CTSB: variants seen among roughly 807,000 people sequenced by gnomAD.
CTSB encodes cathepsin B, also known as APP secretase.
Under a neutral mutation model 44.3 loss-of-function variants are expected in CTSB, and 57 were observed. That is an observed-to-expected ratio of 1.29 (90% confidence interval 1.04 to 1.60). The LOEUF (loss-of-function observed/expected upper bound fraction) is 1.60. Ranked by LOEUF, CTSB falls within the 40% of genes most tolerant of loss-of-function variation. The probability of loss-of-function intolerance (pLI) is 0.00; values close to 1 mark genes in which losing one functional copy is unlikely to be tolerated. For synonymous variants in CTSB, 320 were observed against 168.0 expected, an observed-to-expected ratio of 1.91 and a Z score of -7.00; for missense variants, 768 against 443.0, an observed-to-expected ratio of 1.73 and a Z score of -6.59.
intron 1 of CTSB, among the ~76,000 whole-genome samples, chr8:11,859,361 G>A (rs1035149319): frequency 6.6e-6 from 1 of 152,170 alleles, no homozygotes; most frequent in African/African-American, 2.4e-5. Context: ...ATCCTGGAAG[G>A]AGGTGGAATG....
chr8:11,847,055 A>G lies in CTSB; in HGVS notation c.790T>C (p.Ser264Pro). ...GCCATCAGCCATCAGCACGCACCTG[A>G]CTTGTAGAGCAGGAAGTCCGAATAC... ...SVYSDFLLYK[S>P]GVYQHVTGEM... is the part of the protein sequence containing the mutation. Residue 264 changes from serine to proline, a missense_variant, in exon 8 of 10, where the codon TCA becomes CCA. By Grantham distance (74) the Ser-to-Pro change is moderately conservative (BLOSUM62 -1). Transcript: ENST00000353047. 2 of 1,509,244 alleles carry G rather than the reference A, an allele frequency of 1.3e-6. No homozygotes were observed. Among genetic ancestry groups the G allele is most frequent in the Non-Finnish European group, 1.8e-6 (2 of 1,090,468 alleles). The allele number at this position is 1,509,244 out of a possible 1,614,324, so 93.5% of individuals were successfully genotyped here. A position where few individuals can be genotyped will look rare whatever the true frequency, so the allele number is the denominator to read the frequency against.
At chr8:11,850,206 G>A (rs1381765369) in intron 4 of CTSB, among the ~76,000 whole-genome samples, 1 of 152,048 alleles carries the variant, frequency 6.6e-6, no homozygotes, top group African/African-American at 2.4e-5. Context: ...AGATCAACAG[G>A]TGAGGCGTTT....
At chr8:11,863,765 A>C (rs1001507154) in intron 1 of CTSB, among the ~76,000 whole-genome samples, 2 of 152,218 alleles carry the variant, frequency 1.3e-5, no homozygotes, top group African/African-American at 4.8e-5. Context: ...GGCAAAAATC[A>C]AAGTCTGGTA....
chr8:11,854,489 GCT>G (rs1815185514), intron 1 of CTSB, among the ~76,000 whole-genome samples: 1 of 149,492 alleles, frequency 6.7e-6, no homozygotes, highest in Non-Finnish European at 1.5e-5. Context: ...CTGGAAAAAA[GCT>G]TTTTTTTTTT....
Position 11,846,546 on chromosome 8 carries a change from G to C in CTSB, c.793+506C>G, listed in dbSNP as rs940861788. On this transcript the variant is annotated intron_variant, in intron 8 of 9. Transcript: ENST00000353047. ...GGACTGTCCAGATTCCTTGGTTGGA[G>C]TCCCTATGGCACTACCCAGGGCAAG... 9.8e-5 allele frequency among the ~76,000 whole-genome samples: 15 copies of C among 152,320 alleles called. 1 individual carries two copies. The highest frequency in any genetic ancestry group is 2.6e-4 in the African/African-American group (11 of 41,578).
At chr8:11,850,484 T>C (rs1453332381) in intron 4 of CTSB, 1 of 156,782 alleles carries the variant, frequency 6.4e-6, no homozygotes, top group Non-Finnish European at 1.4e-5. Context: ...GATTATTACA[T>C]TTCTGTTACG....
At chr8:11,853,531 C>T (rs887247219) in intron 1 of CTSB, 52 bp from the exon 2 acceptor site, 26 of 1,534,928 alleles carry the variant, frequency 1.7e-5, no homozygotes, top group Non-Finnish European at 2.3e-5. Context: ...GGGTCGAGGG[C>T]TCACACACAC....
intron 8 of CTSB, chr8:11,846,539 G>A (rs565060444): frequency 6.5e-6 from 1 of 153,616 alleles, no homozygotes; most frequent in Non-Finnish European, 1.4e-5. Context: ...CAGATTCCTT[G>A]GTTGGAGTCC....
chr8:11,866,000 T>C (rs1051957516), intron 1 of CTSB, among the ~76,000 whole-genome samples: 9 of 133,678 alleles, frequency 6.7e-5, no homozygotes, highest in Non-Finnish European at 1.2e-4. Context: ...GCCTGAGCGA[T>C]AGAGGGAGTG....
At chr8:11,845,256 G>T in intron 9 of CTSB, 34 bp from the exon 10 acceptor site, 1 of 1,511,676 alleles carries the variant, frequency 6.6e-7, no homozygotes, top group African/African-American at 1.4e-5. Context: ...TTTAAAGTGT[G>T]ACAAGGGTCA....
chr8:11,855,256 G>A (rs1255268281), intron 1 of CTSB, among the ~76,000 whole-genome samples: 2 of 152,110 alleles, frequency 1.3e-5, no homozygotes, highest in Admixed American at 1.3e-4. Flanking sequence ...GCCTGACCTC[G>A]TGATCCACCT....
At position 11,849,095 on chromosome 8, in the gene CTSB, C is replaced by A. The variant is rs753225702; in HGVS notation, c.397G>T (p.Val133Leu). The A allele has an allele frequency of 1.2e-6, 2 of 1,613,574 alleles. No homozygotes were observed. Among genetic ancestry groups the A allele is most frequent in the African/African-American group, 1.3e-5 (1 of 74,940 alleles). ...CATGTGAGCAGGTCCTCCGCCGACACCTCCACGCTGACGTGCGCATTGGTG... is the reference window on the plus strand; with the variant it reads ...CATGTGAGCAGGTCCTCCGCCGACAACTCCACGCTGACGTGCGCATTGGTG... ...IHTNAHVSVEVSAEDLLTCCG... is the reference protein window; with the variant it reads ...IHTNAHVSVELSAEDLLTCCG... Residue 133 changes from valine (V) to leucine (L), a missense_variant, in exon 5 of 10, where the codon GTG (valine) becomes TTG (leucine). Physicochemically the swap from Val to Leu is conservative, Grantham distance 32. Coordinates refer to ENST00000353047, the MANE Select transcript of CTSB (RefSeq NM_001908.5).
chr8:11,848,197 C>T lies in CTSB; in HGVS notation c.447-45G>A, dbSNP rs549155685. The T allele has an allele frequency of 4.5e-6, 7 of 1,538,594 alleles. No individual in the cohort carries two copies. The South Asian group carries it at 6.7e-5, about 15-fold the overall frequency. On this transcript the variant is annotated intron_variant, in intron 5 of 9. Coordinates refer to ENST00000353047, the MANE Select transcript of CTSB (RefSeq NM_001908.5). ...TGAAAACCTCTGAGAGAAGCACCAC[C>T]AGCTCTCCAGACCACTGTGTGCTAC...
At chr8:11,847,954 C>T in intron 6 of CTSB, 113 bp downstream of exon 6, 1 of 1,329,150 alleles carries the variant, frequency 7.5e-7, no homozygotes, top group Non-Finnish European at 1.1e-6. Context: ...TGGCTAGCAC[C>T]TCTCAGCAGC....
At chr8:11,852,803 T>C (rs2131054237) in intron 2 of CTSB, 108 bp from the exon 3 acceptor site, 1 of 964,032 alleles carries the variant, frequency 1.0e-6, no homozygotes, top group Non-Finnish European at 1.6e-6. Flanking sequence ...CCCTACCCAA[T>C]TCAAGGGCCC....
intron 1 of CTSB, among the ~76,000 whole-genome samples, chr8:11,858,481 G>C (rs1291451806): frequency 6.6e-6 from 1 of 152,030 alleles, no homozygotes; most frequent in African/African-American, 2.4e-5. Flanking sequence ...GTAGAGATGG[G>C]GTTTTGCTAT....
At chr8:11,851,025 C>G (rs1814500885) in intron 3 of CTSB, 45 bp from the exon 4 acceptor site, 1 of 1,446,752 alleles carries the variant, frequency 6.9e-7, no homozygotes, top group South Asian at 1.2e-5. Flanking sequence ...TCCCACAACT[C>G]CCTCCCCAAT....
At chr8:11,847,873 G>A in intron 6 of CTSB, 51 bp from the exon 7 acceptor site, 2 of 1,545,212 alleles carry the variant, frequency 1.3e-6, no homozygotes, top group Non-Finnish European at 1.7e-6. Context: ...CCACGGAGAA[G>A]ACCTGGGGCA....
chr8:11,845,566 A>G (rs2130980916), intron 9 of CTSB, 95 bp downstream of exon 9: 2 of 1,465,362 alleles, frequency 1.4e-6, no homozygotes, highest in Non-Finnish European at 1.9e-6. Context: ...TCCAGGGTTT[A>G]AGGCTGTGCG....
Sources: gnomAD v4.1 joint callset for allele counts (sites outside exome capture counted in the v4.1 genomes callset) on GRCh38, gnomAD v4.1.1 for gene constraint, MANE v1.5 for transcripts, NCBI Gene and HGNC (gene_info 2026-07-23, HGNC 2026-07-21) for gene names.